The following RGN variants were observed in gnomAD, a reference collection of about 807,000 sequenced individuals.
The protein encoded by RGN is regucalcin, also known as epididymis secretory protein Li 41.
A neutral mutation model predicts 20.6 loss-of-function variants in RGN; 19 were observed. The observed-to-expected ratio is 0.92, with a 90% CI of 0.64 to 1.35. The LOEUF (loss-of-function observed/expected upper bound fraction) is 1.35. Ranked by LOEUF, RGN falls within the 40% of genes most tolerant of loss-of-function variation. The pLI, the probability that RGN is intolerant of heterozygous loss-of-function variation, is 0.00. For missense variants in RGN, 302 were observed against 232.7 expected (o/e 1.30, Z -1.94); for synonymous variants, 85 against 87.2 (o/e 0.97, Z 0.14).
chrX:47,085,102 A>C (rs782422178), intron 4 of RGN: 12 of 113,154 alleles, frequency 1.1e-4, no homozygotes, highest in African/African-American at 2.9e-4. Context: ...CTTCATTTGC[A>C]TTTCCATCTC....
At position 47,093,205 on chromosome X, in the gene RGN, CTT is replaced by C. The variant is rs1205764729; in HGVS notation, c.*260_*261del. ...TCAACTGTCAATCAGCCTCTTGATT[CTT>C]TGTAAATTGCCAGGGTGGGTGGGTA... On this transcript the variant is annotated 3_prime_UTR_variant, in exon 8 of 8. Transcript: ENST00000397180. 2.9e-6 allele frequency: 1 copy of C among 347,348 alleles called. No individual in the cohort carries two copies. Among genetic ancestry groups the C allele is most frequent in the Non-Finnish European group, 5.0e-6 (1 of 202,019 alleles). The allele number at this position is 347,348 out of a possible 1,213,427, so 28.6% of individuals were successfully genotyped here. A position where few individuals can be genotyped will look rare whatever the true frequency, so the allele number is the denominator to read the frequency against.
At chrX:47,084,808 A>G (rs1377558927) in intron 4 of RGN, 1 of 368,081 alleles carries the variant, frequency 2.7e-6, no homozygotes, top group African/African-American at 2.6e-5. Context: ...ACAAAAAATT[A>G]GCTGGGCCTG....
Position 47,080,878 on chromosome X carries a change from G to A in RGN, c.-74G>A. On this transcript the variant is annotated 5_prime_UTR_variant, in exon 2 of 8. Coordinates refer to ENST00000397180, the MANE Select transcript of RGN (RefSeq NM_152869.4). ...AGGGTCACAAACACCAAGGAGTGGA[G>A]GTCAGAGTGTCACTTTTTTGTTTTC... 1 of 307,861 alleles carries A rather than the reference G, an allele frequency of 3.2e-6. No individual in the cohort carries two copies. Among genetic ancestry groups the A allele is most frequent in the Non-Finnish European group, 5.6e-6 (1 of 177,404 alleles). The allele number at this position is 307,861 out of a possible 1,213,427, so 25.4% of individuals were successfully genotyped here. A position where few individuals can be genotyped will look rare whatever the true frequency, so the allele number is the denominator to read the frequency against.
chrX:47,087,165 T>A (rs1930634916), intron 4 of RGN, among the ~76,000 whole-genome samples: 1 of 112,059 alleles, frequency 8.9e-6, no homozygotes. Flanking sequence ...ATATTTCTCA[T>A]CATAATAACC....
Position 47,080,921 on chromosome X carries a change from G to A in RGN, c.-31G>A, listed in dbSNP as rs868932225. On this transcript the variant is annotated 5_prime_UTR_variant, in exon 2 of 8. Transcript: ENST00000397180. ...TTGTTTTCTTTTTGAAAGATCATTC[G>A]AGAAACACGTCACTGGTAAGTTGGT... The A allele has an allele frequency of 8.4e-6, 3 of 356,740 alleles. No homozygotes were observed. Among genetic ancestry groups the A allele is most frequent in the Middle Eastern group, 1.4e-3 (2 of 1,457 alleles). The allele number at this position is 356,740 out of a possible 1,213,427, so 29.4% of individuals were successfully genotyped here.
chrX:47,091,754 G>T lies in RGN; in HGVS notation c.639G>T (p.Lys213Asn). Residue 213 changes from lysine (K) to asparagine (N), a missense_variant, in exon 6 of 8, where the codon AAG becomes AAT. Physicochemically the swap from Lys to Asn is moderately conservative, Grantham distance 94. Transcript: ENST00000397180. Reference sequence around the variant, plus strand: ...GAATGTGTATTGATGCTGAGGGGAAGCTCTGGGTGGCCTGTTACAATGGAG... The same window carrying T: ...GAATGTGTATTGATGCTGAGGGGAATCTCTGGGTGGCCTGTTACAATGGAG... ...PDGMCIDAEGKLWVACYNGGR... is the reference protein window; with the variant it reads ...PDGMCIDAEGNLWVACYNGGR... 1 of 1,210,505 alleles carries T rather than the reference G, an allele frequency of 8.3e-7. No individual in the cohort carries two copies. Among genetic ancestry groups the T allele is most frequent in the Non-Finnish European group, 1.1e-6 (1 of 894,547 alleles).
At chrX:47,083,328 G>A (rs142558644) in intron 3 of RGN, among the ~76,000 whole-genome samples, 1,213 of 109,214 alleles carry the variant, frequency 0.011, 16 homozygotes, top group South Asian at 0.021. Flanking sequence ...GAACCTGGGA[G>A]GCGGAGGTTG....
chrX:47,086,550 G>C (rs901019166), intron 4 of RGN, among the ~76,000 whole-genome samples: 4 of 110,289 alleles, frequency 3.6e-5, no homozygotes, highest in South Asian at 3.8e-4. Context: ...TATCTCATAA[G>C]ACTGTAGTCA....
At position 47,092,213 on chromosome X, in the gene RGN, A is replaced by C. The variant is rs1556388252; in HGVS notation, c.847A>C (p.Lys283Gln). ...LRQPEAGGIF[K>Q]ITGLGVKGIA... is the part of the protein sequence containing the mutation. Reference sequence around the variant, plus strand: ...GCAACCTGAAGCTGGTGGAATTTTCAAGGTGATATGGCTATTTCTTTTATT... The same window carrying C: ...GCAACCTGAAGCTGGTGGAATTTTCCAGGTGATATGGCTATTTCTTTTATT... Residue 283 changes from lysine to glutamine, a missense_variant and splice_region_variant, in exon 7 of 8, where the codon AAG becomes CAG. By Grantham distance (53) the Lys-to-Gln change is moderately conservative (BLOSUM62 1). Coordinates refer to ENST00000397180, the MANE Select transcript of RGN (RefSeq NM_152869.4). 8.5e-7 allele frequency: 1 copy of C among 1,173,421 alleles called. No homozygotes were observed. Among genetic ancestry groups the C allele is most frequent in the Admixed American group, 2.5e-5 (1 of 39,772 alleles).
intron 3 of RGN, among the ~76,000 whole-genome samples, chrX:47,084,130 T>A (rs182064519): frequency 3.6e-5 from 4 of 111,034 alleles, no homozygotes; most frequent in Non-Finnish European, 7.5e-5. Flanking sequence ...CCCCATATCA[T>A]GGCCACTGGG....
At chrX:47,082,303 C>CTTTTTTTTTTTTTTTTT (rs11286766) in intron 3 of RGN, among the ~76,000 whole-genome samples, 1 of 59,259 alleles carries the variant, frequency 1.7e-5, no homozygotes, top group Non-Finnish European at 3.0e-5. Flanking sequence ...GGGACCTCAA[C>CTTTTTTTTTTTTTTTTT]TTTTTTTTTT....
chrX:47,092,989 C>T lies in RGN; in HGVS notation c.*42C>T. The T allele has an allele frequency of 1.9e-6, 2 of 1,029,606 alleles. No individual in the cohort carries two copies. Among genetic ancestry groups the T allele is most frequent in the Non-Finnish European group, 2.7e-6 (2 of 746,545 alleles). The allele number at this position is 1,029,606 out of a possible 1,213,427, so 84.9% of individuals were successfully genotyped here. The stretch of plus-strand genomic sequence containing the variant: ...CTGCCAGAGGGAGCTCTGAAGACAA[C>T]TAGAGAATTCTGGGCCTGAAATTTC... On this transcript the variant is annotated 3_prime_UTR_variant, in exon 8 of 8. Transcript: ENST00000397180.
At chrX:47,084,656 A>T in intron 4 of RGN, 56 bp downstream of exon 4, 1 of 1,042,758 alleles carries the variant, frequency 9.6e-7, no homozygotes, top group Non-Finnish European at 1.3e-6. Flanking sequence ...ATACTTTGAC[A>T]TACAAAGTTC....
chrX:47,089,564 C>A (rs1483209833), intron 4 of RGN, among the ~76,000 whole-genome samples: 21 of 75,407 alleles, frequency 2.8e-4, no homozygotes, highest in Middle Eastern at 6.5e-3. Context: ...CTTATATATA[C>A]ATATTATATA....
chrX:47,081,841 C>G (rs186492290), intron 3 of RGN, among the ~76,000 whole-genome samples: 62 of 112,410 alleles, frequency 5.5e-4, no homozygotes, highest in African/African-American at 1.8e-3. Context: ...GCTACCACGC[C>G]CAGCCCATTC....
chrX:47,082,651 T>G (rs782202481), intron 3 of RGN, among the ~76,000 whole-genome samples: 1 of 111,204 alleles, frequency 9.0e-6, no homozygotes, highest in East Asian at 2.8e-4. Context: ...GAACAAATTT[T>G]TAATTCACCC....
rs782238158 is a variant in RGN at position 47,084,382 on chromosome X, T to A, written c.164-36T>A. On this transcript the variant is annotated intron_variant, in intron 3 of 7. Coordinates refer to ENST00000397180, the MANE Select transcript of RGN (RefSeq NM_152869.4). Reference sequence around the variant, plus strand: ...ATCTCAGTGGCCTCAGCCACTAAACTGGTACTGTTTTTTAACTGTTGCTTT... The same window carrying A: ...ATCTCAGTGGCCTCAGCCACTAAACAGGTACTGTTTTTTAACTGTTGCTTT... The A allele has an allele frequency of 4.4e-6, 5 of 1,136,281 alleles. No homozygotes were observed. The Admixed American group carries it at 1.3e-4, about 30-fold the overall frequency. The allele number at this position is 1,136,281 out of a possible 1,213,427, so 93.6% of individuals were successfully genotyped here.
At chrX:47,088,540 TCTC>T (rs1236798399) in intron 4 of RGN, among the ~76,000 whole-genome samples, 1 of 110,844 alleles carries the variant, frequency 9.0e-6, no homozygotes, top group Non-Finnish European at 1.9e-5. Flanking sequence ...TTGATTCTCT[TCTC>T]CTATGTGAGT....
intron 4 of RGN, 144 bp from the exon 5 acceptor site, chrX:47,089,632 C>CATAT: frequency 1.4e-5 from 3 of 210,469 alleles, no homozygotes; most frequent in South Asian, 9.1e-5. Context: ...CACACACACA[C>CATAT]ATATATATAT....
Sources: gnomAD v4.1 joint callset for allele counts (sites outside exome capture counted in the v4.1 genomes callset) on GRCh38, gnomAD v4.1.1 for gene constraint, MANE v1.5 for transcripts, NCBI Gene and HGNC (gene_info 2026-07-23, HGNC 2026-07-21) for gene names.